Variants in CNTN6 observed in about 807,000 individuals in gnomAD.
CNTN6 encodes the protein contactin-6.
In CNTN6, 137 loss-of-function variants were observed where a neutral mutation model predicts 122.8. That is an observed-to-expected ratio of 1.12 (90% CI 0.97 to 1.29). The LOEUF (loss-of-function observed/expected upper bound fraction) is 1.29. CNTN6 is among the 50% of genes most tolerant of loss of function. CNTN6 has a pLI of 0.00. For missense variants in CNTN6, 1,634 were observed against 1,223.4 expected (o/e 1.34, Z -5.01); for synonymous variants, 570 against 426.0 (o/e 1.34, Z -4.16).
intron 1 of CNTN6, among the ~76,000 whole-genome samples, chr3:1,142,968 G>GTGTGTGTGTA (rs1217250181): frequency 7.8e-6 from 1 of 128,654 alleles, no homozygotes; most frequent in African/African-American, 3.1e-5. Context: ...GTGTGTGTGT[G>GTGTGTGTGTA]TATATATATA....
chr3:1,258,048 A>G (rs1164320477), intron 4 of CNTN6, among the ~76,000 whole-genome samples: 2 of 152,108 alleles, frequency 1.3e-5, no homozygotes, highest in African/African-American at 2.4e-5. Flanking sequence ...TTCCTATATC[A>G]GCTCCATCAC....
intron 17 of CNTN6, 117 bp from the exon 18 acceptor site, chr3:1,382,825 C>T (rs1158391727): frequency 7.1e-6 from 5 of 706,654 alleles, no homozygotes; most frequent in South Asian, 2.0e-5. Context: ...CATCATTAAA[C>T]AGAATAAATA....
At chr3:1,213,470 TA>T (rs76361004) in intron 2 of CNTN6, among the ~76,000 whole-genome samples, 30,361 of 151,890 alleles carry the variant, frequency 0.2, 3,612 homozygotes, top group East Asian at 0.5. Flanking sequence ...CTTCATTTTT[TA>T]AAAAATCTGA....
At chr3:1,168,093 A>G (rs191311479) in intron 2 of CNTN6, among the ~76,000 whole-genome samples, 319 of 151,942 alleles carry the variant, frequency 2.1e-3, no homozygotes, top group Non-Finnish European at 3.8e-3. Flanking sequence ...TTTTTAGTAG[A>G]GAGGGAGGTT....
intron 11 of CNTN6, among the ~76,000 whole-genome samples, chr3:1,343,716 C>CTA (rs200912959): frequency 0.022 from 3,278 of 151,692 alleles, 124 homozygotes; most frequent in African/African-American, 0.07. Context: ...CTCTCTCTCT[C>CTA]TATATATATA....
chr3:1,401,457 T>A lies in CNTN6; in HGVS notation c.2729T>A (p.Ile910Asn). ...GCTCCAAGCCAACCACCAGCAAACA[T>A]TGCCTGGAAGCTGACAAACTCTAAA... Reference protein sequence around the residue: ...KSPPSQPPANIAWKLTNSKLC... With the variant: ...KSPPSQPPANNAWKLTNSKLC... Residue 910 changes from isoleucine (I) to asparagine (N), a missense_variant, in exon 21 of 23, where the codon ATT becomes AAT. Coordinates refer to ENST00000446702, the MANE Select transcript of CNTN6 (RefSeq NM_001289080.2). The A allele has an allele frequency of 6.2e-7, 1 of 1,611,898 alleles. No homozygotes were observed. The highest frequency in any genetic ancestry group is 8.5e-7 in the Non-Finnish European group (1 of 1,178,544).
At chr3:1,102,874 G>C (rs1047320801) in intron 1 of CNTN6, among the ~76,000 whole-genome samples, 2 of 151,068 alleles carry the variant, frequency 1.3e-5, no homozygotes, top group East Asian at 1.9e-4. Flanking sequence ...TTTGGAGGCC[G>C]AGGCGGGCGG....
At chr3:1,103,047 A>T (rs879528398) in intron 1 of CNTN6, among the ~76,000 whole-genome samples, 1 of 151,606 alleles carries the variant, frequency 6.6e-6, no homozygotes, top group African/African-American at 2.4e-5. Context: ...CGGAGCTTGC[A>T]GTGAGCCAAG....
At chr3:1,262,016 A>G (rs1358365931) in intron 4 of CNTN6, among the ~76,000 whole-genome samples, 1 of 152,154 alleles carries the variant, frequency 6.6e-6, no homozygotes, top group Non-Finnish European at 1.5e-5. Flanking sequence ...CTTCAAATAA[A>G]TGAAAAACCC....
chr3:1,130,268 A>C (rs956760102), intron 1 of CNTN6, among the ~76,000 whole-genome samples: 1 of 152,050 alleles, frequency 6.6e-6, no homozygotes, highest in Non-Finnish European at 1.5e-5. Flanking sequence ...CTATGCCCTT[A>C]GTGAATCTCC....
rs776840689 is a variant in CNTN6 at position 1,321,725 on chromosome 3, A to C, written c.837A>C (p.Gln279His). The change falls in exon 8 of 23, where the codon CAA becomes CAC. Residue 279 changes from glutamine (Q) to histidine (H), a missense_variant. Transcript: ENST00000446702. ...LPGKVKYSKS[Q>H]AILEIPNFQQ... ...GGAAAGTCAAGTACAGCAAATCCCA[A>C]GCTATCCTTGAAATCCCGAACTTCC... The C allele has an allele frequency of 6.2e-7, 1 of 1,611,806 alleles. No individual in the cohort carries two copies. Among genetic ancestry groups the C allele is most frequent in the African/African-American group, 1.3e-5 (1 of 74,670 alleles).
At chr3:1,202,397 G>C (rs543987681) in intron 2 of CNTN6, among the ~76,000 whole-genome samples, 1 of 149,670 alleles carries the variant, frequency 6.7e-6, no homozygotes, top group Non-Finnish European at 1.5e-5. Context: ...GAAATCAGCC[G>C]GGCGTGGTGG....
chr3:1,322,138 A>G (rs1177137442), intron 8 of CNTN6, among the ~76,000 whole-genome samples: 1 of 151,754 alleles, frequency 6.6e-6, no homozygotes, highest in Non-Finnish European at 1.5e-5. Context: ...TATATTTCCC[A>G]TTAAACGTTC....
chr3:1,143,492 G>T (rs1414150405), intron 1 of CNTN6, among the ~76,000 whole-genome samples: 1 of 152,104 alleles, frequency 6.6e-6, no homozygotes, highest in Non-Finnish European at 1.5e-5. Flanking sequence ...CAAGTGACCT[G>T]TAGGATTCTA....
chr3:1,383,452 GA>G lies in CNTN6; in HGVS notation c.2517+45del, dbSNP rs559111535. 86 of 1,455,880 alleles carry G rather than the reference GA, an allele frequency of 5.9e-5. No homozygotes were observed. The South Asian group carries it at 9.6e-4, about 16-fold the overall frequency. The allele number at this position is 1,455,880 out of a possible 1,614,324, so 90.2% of individuals were successfully genotyped here. ...ACTTTTGCTTATGAATGTGCCAATG[GA>G]CTTCGCAATAGCTCCTATTCAACAG... On this transcript the variant is annotated intron_variant, in intron 19 of 22. Transcript: ENST00000446702.
intron 4 of CNTN6, among the ~76,000 whole-genome samples, chr3:1,242,855 G>T (rs967291051): frequency 2.0e-5 from 3 of 152,152 alleles, no homozygotes; most frequent in Non-Finnish European, 4.4e-5. Flanking sequence ...GTACCAGAGT[G>T]GGGGAGTTTT....
At chr3:1,273,845 A>G (rs1318628608) in intron 4 of CNTN6, among the ~76,000 whole-genome samples, 4 of 152,212 alleles carry the variant, frequency 2.6e-5, no homozygotes. Context: ...AAGTGAACAC[A>G]GAATATATTA....
At chr3:1,311,226 CAT>C (rs1397573057) in intron 7 of CNTN6, among the ~76,000 whole-genome samples, 18 of 143,572 alleles carry the variant, frequency 1.3e-4, no homozygotes, top group African/African-American at 4.7e-4. Context: ...TTTATATGTA[CAT>C]ATATGTGTAT....
chr3:1,244,133 G>A (rs974331854), intron 4 of CNTN6, among the ~76,000 whole-genome samples: 2 of 152,072 alleles, frequency 1.3e-5, no homozygotes, highest in African/African-American at 2.4e-5. Flanking sequence ...GGGGCCAAGC[G>A]GTGTTGCAGA....
Sources: allele counts gnomAD v4.1 joint callset (sites outside exome capture counted in the v4.1 genomes callset), GRCh38; gene constraint gnomAD v4.1.1; transcripts MANE v1.5; gene names NCBI Gene and HGNC (gene_info 2026-07-23, HGNC 2026-07-21).